Variants in RIMS3 observed in about 807,000 individuals in gnomAD.
RIMS3 encodes regulating synaptic membrane exocytosis 3.
In RIMS3, 15 loss-of-function variants were observed where a neutral mutation model predicts 29.2. That is an observed-to-expected ratio of 0.51 (90% confidence interval 0.34 to 0.79). The LOEUF (loss-of-function observed/expected upper bound fraction) is 0.79. RIMS3 is among the 30% of genes least tolerant of loss of function. The pLI, the probability that RIMS3 is intolerant of heterozygous loss-of-function variation, is 0.01. For missense variants in RIMS3, 342 were observed against 421.4 expected (o/e 0.81, Z 1.65); for synonymous variants, 161 against 170.1 (o/e 0.95, Z 0.41).
chr1:40,657,167 G>A lies in RIMS3; in HGVS notation c.-207+8227C>T, dbSNP rs79969922. On this transcript the variant is annotated intron_variant, in intron 1 of 7. Coordinates refer to ENST00000372684, the MANE Select transcript of RIMS3 (RefSeq NM_014747.3). ...ATGTGAGGCTCAGAAAGGATGAGAC[G>A]TGTCCATAGTCACAGAGCTAGCTAC... 3.8e-3 allele frequency among the ~76,000 whole-genome samples: 579 copies of A among 152,270 alleles called. 30 individuals are homozygous for A. The East Asian group carries it at 0.1, about 26-fold the overall frequency.
chr1:40,672,300 A>T, the RIMS3 span, among the ~76,000 whole-genome samples: 1 of 144,888 alleles, frequency 6.9e-6, no homozygotes, highest in Non-Finnish European at 1.5e-5. Context: ...CCGGGTTCAC[A>T]CCATTCTCCT....
At chr1:40,633,047 A>G in intron 5 of RIMS3, 22 bp downstream of exon 5, 1 of 1,599,108 alleles carries the variant, frequency 6.3e-7, no homozygotes, top group Non-Finnish European at 8.6e-7. Context: ...ACCCCACTCA[A>G]CCTGCCCTTA....
chr1:40,656,094 G>C (rs1642269374), intron 1 of RIMS3, among the ~76,000 whole-genome samples: 1 of 151,982 alleles, frequency 6.6e-6, no homozygotes, highest in Non-Finnish European at 1.5e-5. Flanking sequence ...TCTGGCTAGG[G>C]GCAGTGGCTC....
the RIMS3 span, among the ~76,000 whole-genome samples, chr1:40,676,644 G>A: frequency 5.3e-5 from 8 of 152,100 alleles, no homozygotes; most frequent in Non-Finnish European, 1.2e-4. Context: ...CTAAAAAAAA[G>A]TGCCACTCCA....
At chr1:40,646,585 C>G (rs1570188079) in intron 2 of RIMS3, among the ~76,000 whole-genome samples, 1 of 152,176 alleles carries the variant, frequency 6.6e-6, no homozygotes, top group South Asian at 2.1e-4. Context: ...GAAGTTCTTC[C>G]TGCTGACTCC....
the RIMS3 span, among the ~76,000 whole-genome samples, chr1:40,685,387 TAAAA>T: frequency 2.3e-3 from 336 of 143,368 alleles, 2 homozygotes; most frequent in African/African-American, 8.1e-3. Context: ...ATATAATAAA[TAAAA>T]AAATTTATTA....
chr1:40,623,927 T>G lies in RIMS3; in HGVS notation c.*2590A>C. The G allele has an allele frequency of 1.8e-5, 3 of 162,736 alleles. No homozygotes were observed. Among genetic ancestry groups the G allele is most frequent in the Non-Finnish European group, 4.0e-5 (3 of 75,156 alleles). The allele number at this position is 162,736 out of a possible 1,614,324, so 10.1% of individuals were successfully genotyped here. On this transcript the variant is annotated 3_prime_UTR_variant, in exon 8 of 8. Coordinates refer to ENST00000372684, the MANE Select transcript of RIMS3 (RefSeq NM_014747.3). The stretch of plus-strand genomic sequence containing the variant: ...TTGGTGCAAAGGGTTAAAAGAATAA[T>G]TCCCCAAGGTCAATTTGGGGAGGAA...
In RIMS3 at chr1:40,636,069, C is replaced by T. The variant is rs773904040; in HGVS notation, c.218-12G>A. 5 of 1,602,006 alleles carry T rather than the reference C, an allele frequency of 3.1e-6. No individual in the cohort carries two copies. The highest frequency in any genetic ancestry group is 3.4e-6 in the Non-Finnish European group (4 of 1,179,890). On this transcript the variant is annotated splice_polypyrimidine_tract_variant and intron_variant, in intron 3 of 7. Coordinates refer to ENST00000372684, the MANE Select transcript of RIMS3 (RefSeq NM_014747.3). This position sits in a 1 kb window ranked among gnomAD's most constrained non-coding sequence, Gnocchi z 4.2. ...CTTGGTGGCCCCTTCTGTGACCCCC[C>T]CAACCCCAAGCACAGAGAGGGAACA...
chr1:40,663,808 T>C (rs1212409753), intron 1 of RIMS3, among the ~76,000 whole-genome samples: 1 of 152,146 alleles, frequency 6.6e-6, no homozygotes, highest in Non-Finnish European at 1.5e-5. Context: ...ACCTGGCTCC[T>C]GCACGCCCGC....
the RIMS3 span, among the ~76,000 whole-genome samples, chr1:40,679,890 ATTTTTTTT>A: frequency 2.8e-5 from 4 of 142,456 alleles, no homozygotes; most frequent in South Asian, 8.9e-4. Context: ...GATGACTAGA[ATTTTTTTT>A]TTTTTTTTGG....
chr1:40,664,301 G>A (rs1197797404), intron 1 of RIMS3, among the ~76,000 whole-genome samples: 1 of 152,082 alleles, frequency 6.6e-6, no homozygotes, highest in East Asian at 1.9e-4. Context: ...TGCCCCCAGG[G>A]ACAGTTGGCA....
rs1646447242 is a variant in RIMS3, at chr1:40,625,449, A to G, written c.*1068T>C. On this transcript the variant is annotated 3_prime_UTR_variant, in exon 8 of 8. Coordinates refer to ENST00000372684, the MANE Select transcript of RIMS3 (RefSeq NM_014747.3). ...ACTGGAGCCCCAAATGAACAACTTC[A>G]TGCAGTGAATCCCCAAATGTCAGAT... 6.6e-6 allele frequency: 1 copy of G among 152,608 alleles called. No homozygotes were observed. Among genetic ancestry groups the G allele is most frequent in the African/African-American group, 2.4e-5 (1 of 41,438 alleles). The allele number at this position is 152,608 out of a possible 1,614,324, so 9.5% of individuals were successfully genotyped here. A position where few individuals can be genotyped will look rare whatever the true frequency, so the allele number is the denominator to read the frequency against.
intron 5 of RIMS3, among the ~76,000 whole-genome samples, chr1:40,630,789 TGGCTGGGTCTAG>T (rs1444775069): frequency 1.3e-5 from 2 of 152,218 alleles, no homozygotes; most frequent in Non-Finnish European, 2.9e-5. Flanking sequence ...GCCCAGCCTG[TGGCTGGGTCTAG>T]GGCTGGGAAA....
chr1:40,687,968 G>A, the RIMS3 span, among the ~76,000 whole-genome samples: 3 of 152,014 alleles, frequency 2.0e-5, no homozygotes, highest in African/African-American at 4.8e-5. Context: ...TTTTAGTGCC[G>A]CTTTTCTATT....
chr1:40,630,544 T>C (rs1387281354), intron 5 of RIMS3, among the ~76,000 whole-genome samples: 1 of 152,218 alleles, frequency 6.6e-6, no homozygotes, highest in Non-Finnish European at 1.5e-5. Flanking sequence ...GATGGGGATT[T>C]GCTAATTTCA....
chr1:40,664,504 T>A (rs989370714), intron 1 of RIMS3, among the ~76,000 whole-genome samples: 12 of 152,138 alleles, frequency 7.9e-5, no homozygotes, highest in Non-Finnish European at 1.6e-4. Context: ...CTTCCCTACA[T>A]CCTGATAACA....
chr1:40,666,514 G>A (rs1333032056), upstream of RIMS3, among the ~76,000 whole-genome samples: 1 of 152,156 alleles, frequency 6.6e-6, no homozygotes, highest in Non-Finnish European at 1.5e-5. Flanking sequence ...ATAGACTCCT[G>A]GAGTCCTGGG....
intron 2 of RIMS3, among the ~76,000 whole-genome samples, chr1:40,644,725 C>A (rs1376458549): frequency 6.6e-6 from 1 of 152,200 alleles, no homozygotes; most frequent in African/African-American, 2.4e-5. Flanking sequence ...AAGAACCCAA[C>A]AAGGCCAGCC....
chr1:40,667,739 G>T (rs1039729729), upstream of RIMS3, among the ~76,000 whole-genome samples: 19 of 152,200 alleles, frequency 1.2e-4, no homozygotes, highest in African/African-American at 4.6e-4. Flanking sequence ...TGTATTTAAA[G>T]CAGTATGGTA....
Sources: gnomAD v4.1 joint callset for allele counts (sites outside exome capture counted in the v4.1 genomes callset) on GRCh38, gnomAD v4.1.1 for gene constraint, Gnocchi (gnomAD v3.1) non-coding constraint, MANE v1.5 for transcripts, NCBI Gene and HGNC (gene_info 2026-07-23, HGNC 2026-07-21) for gene names.